TRIP11: variants seen among roughly 807,000 people sequenced by gnomAD.
The protein encoded by TRIP11 is thyroid receptor-interacting protein 11.
A neutral mutation model predicts 223.1 loss-of-function variants in TRIP11; 148 were observed. The ratio of observed to expected loss-of-function variants is 0.66; its 90% CI spans 0.58 to 0.76. The LOEUF (loss-of-function observed/expected upper bound fraction) is 0.76. Among genes scored for constraint, TRIP11 ranks in the 30% least tolerant of loss-of-function variants. The pLI is 0.00. For synonymous variants in TRIP11, 762 were observed against 772.6 expected (o/e 0.99, Z 0.23); for missense variants, 2,043 against 2,222.0 (o/e 0.92, Z 1.62).
Position 92,004,429 on chromosome 14 carries a change from A to G in TRIP11, c.3547T>C (p.Leu1183=), listed in dbSNP as rs770035158. 6.4e-5 allele frequency: 103 copies of G among 1,613,888 alleles called. No homozygotes were observed. The Middle Eastern group carries it at 3.6e-3, about 57-fold the overall frequency. Reference sequence around the variant, plus strand: ...CTGGATGTTTGTAAAACTGCCAATAAAGTCTGACATTTCTGACTTAGTGCA... The same window carrying G: ...CTGGATGTTTGTAAAACTGCCAATAGAGTCTGACATTTCTGACTTAGTGCA... ...IDALSQKCQT[L]LAVLQTSSTG... The change falls in exon 11 of 21, where the codon TTA becomes CTA. Residue 1183 remains leucine (L), a synonymous_variant. Coordinates refer to ENST00000267622, the MANE Select transcript of TRIP11 (RefSeq NM_004239.4).
intron 2 of TRIP11, 139 bp from the exon 3 acceptor site, chr14:92,025,559 T>C: frequency 1.5e-6 from 1 of 650,526 alleles, no homozygotes; most frequent in South Asian, 1.8e-5. Context: ...AATTCTGGAC[T>C]TTAAAATATG....
intron 2 of TRIP11, among the ~76,000 whole-genome samples, chr14:92,029,298 T>A (rs911536842): frequency 7.0e-4 from 92 of 131,536 alleles, no homozygotes; most frequent in Middle Eastern, 3.6e-3. Flanking sequence ...TTTTTTTTTT[T>A]TTTTTTTTTT....
chr14:91,974,785 G>GAAAA, intron 18 of TRIP11, 42 bp from the exon 19 acceptor site: 1 of 1,061,578 alleles, frequency 9.4e-7, no homozygotes, highest in South Asian at 1.6e-5. Flanking sequence ...ATCAGTACAA[G>GAAAA]AAAAAAAAAA....
In TRIP11 at chr14:92,025,431, A is replaced by C. The variant is rs561503305; in HGVS notation, c.202-11T>G. The C allele has an allele frequency of 4.0e-4, 638 of 1,602,292 alleles. No individual in the cohort carries two copies. The highest frequency in any genetic ancestry group is 6.6e-4 in the Middle Eastern group (4 of 6,038). Reference sequence around the variant, plus strand: ...CTTAAGCCTTTCATTCTAGAAAAAAAAAGTATTTTCAACAAAAAGACTGCA... The same window carrying C: ...CTTAAGCCTTTCATTCTAGAAAAAACAAGTATTTTCAACAAAAAGACTGCA... On this transcript the variant is annotated splice_polypyrimidine_tract_variant and intron_variant, in intron 2 of 20. Coordinates refer to ENST00000267622, the MANE Select transcript of TRIP11 (RefSeq NM_004239.4).
chr14:91,991,114 G>A (rs2056666352), intron 15 of TRIP11, among the ~76,000 whole-genome samples: 1 of 152,052 alleles, frequency 6.6e-6, no homozygotes, highest in Non-Finnish European at 1.5e-5. Context: ...TGGGAGGTAG[G>A]GCCTGATGGG....
chr14:92,016,096 A>C (rs1446457599), intron 5 of TRIP11, among the ~76,000 whole-genome samples: 1 of 152,236 alleles, frequency 6.6e-6, no homozygotes. Context: ...ATCAGCAAGA[A>C]AAGGCTAAAA....
Position 91,969,912 on chromosome 14 carries a change from A to G in TRIP11, c.5720-19T>C, listed in dbSNP as rs1045407052. The G allele has an allele frequency of 6.9e-6, 11 of 1,605,306 alleles. No individual in the cohort carries two copies. In the African/African-American group the frequency reaches 1.5e-4, roughly 21 times the overall value. On this transcript the variant is annotated intron_variant, in intron 20 of 20. Transcript: ENST00000267622. ...GCTGTATCTAAAGAATAAAATATGG[A>G]TTTAGTCTCCTATCTTTCACAAAGA... is the stretch of plus-strand genomic sequence containing the variant.
At chr14:91,999,219 G>C in intron 13 of TRIP11, 21 bp downstream of exon 13, 2 of 1,609,966 alleles carry the variant, frequency 1.2e-6, no homozygotes, top group African/African-American at 2.7e-5. Context: ...TAAAGTTAAT[G>C]CAAAAAAATG....
chr14:91,975,244 C>T lies in TRIP11; in HGVS notation c.5385G>A (p.Pro1795=), dbSNP rs146084921. 1.2e-5 allele frequency: 20 copies of T among 1,613,518 alleles called. No homozygotes were observed. The highest frequency in any genetic ancestry group is 8.8e-5 in the South Asian group (8 of 91,070). Residue 1795 remains proline, a synonymous_variant, in exon 18 of 21, where the codon CCG becomes CCA. Transcript: ENST00000267622. Reference sequence around the variant, plus strand: ...GTAACACTTCATGACGCTGATTTTTCGGTGTGTGGAAATGACCAATGAAGA... The same window carrying T: ...GTAACACTTCATGACGCTGATTTTTTGGTGTGTGGAAATGACCAATGAAGA... The part of the protein sequence containing the change: ...RNLFIGHFHT[P]KNQRHEVLRL...
chr14:91,974,066 C>T (rs1302452605), intron 19 of TRIP11, among the ~76,000 whole-genome samples: 2 of 152,078 alleles, frequency 1.3e-5, no homozygotes, highest in East Asian at 3.9e-4. Flanking sequence ...GAAAGAAACT[C>T]CACATTCTAA....
intron 2 of TRIP11, among the ~76,000 whole-genome samples, chr14:92,032,636 C>A (rs1327954613): frequency 1.3e-5 from 2 of 151,900 alleles, no homozygotes; most frequent in Non-Finnish European, 2.9e-5. Context: ...AGTTTGAGAC[C>A]AGCCTGGCCA....
At chr14:91,994,503 C>T (rs1048703265) in intron 14 of TRIP11, among the ~76,000 whole-genome samples, 1 of 152,172 alleles carries the variant, frequency 6.6e-6, no homozygotes, top group Non-Finnish European at 1.5e-5. Context: ...CTTGGCCTCC[C>T]AAAGTGCTGG....
At chr14:92,023,179 A>G (rs2057135948) in intron 3 of TRIP11, among the ~76,000 whole-genome samples, 1 of 152,188 alleles carries the variant, frequency 6.6e-6, no homozygotes, top group Admixed American at 6.5e-5. Context: ...TAAAATACCA[A>G]AATTTTCCCC....
At position 91,969,661 on chromosome 14, in the gene TRIP11, C is replaced by T; in HGVS notation, c.*12G>A. On this transcript the variant is annotated 3_prime_UTR_variant, in exon 21 of 21. Coordinates refer to ENST00000267622, the MANE Select transcript of TRIP11 (RefSeq NM_004239.4). ...CTTTAAAGTGCTAGATTGTCTCTGG[C>T]TTGAGAATCATCTATTGCTTTAAAA... 6.2e-7 allele frequency: 1 copy of T among 1,611,648 alleles called. No individual in the cohort carries two copies. The highest frequency in any genetic ancestry group is 8.5e-7 in the Non-Finnish European group (1 of 1,179,472).
At chr14:92,024,333 T>C (rs2057153447) in intron 3 of TRIP11, among the ~76,000 whole-genome samples, 1 of 149,172 alleles carries the variant, frequency 6.7e-6, no homozygotes, top group African/African-American at 2.5e-5. Flanking sequence ...ATTGCACCAC[T>C]GCACTTCAGC....
chr14:92,003,769 CTT>C lies in TRIP11; in HGVS notation c.4205_4206del (p.Gln1402ArgfsTer8). ...TCCTTAAGTAACTTTTGCAAAACATCTTGTTTCTCCTTTAGCTGCTTGATTTC... is the reference window on the plus strand; with the variant it reads ...TCCTTAAGTAACTTTTGCAAAACATCGTTTCTCCTTTAGCTGCTTGATTTC... ...DSEIKQLKEK[Q>X]DVLQKLLKEK... On this transcript the variant is annotated frameshift_variant, in exon 11 of 21. Transcript: ENST00000267622. LOFTEE classifies it high-confidence loss of function. The C allele has an allele frequency of 6.2e-7, 1 of 1,614,150 alleles. No individual in the cohort carries two copies. Among genetic ancestry groups the C allele is most frequent in the Non-Finnish European group, 8.5e-7 (1 of 1,180,020 alleles).
intron 11 of TRIP11, among the ~76,000 whole-genome samples, chr14:92,001,707 C>G (rs972989523): frequency 1.3e-5 from 2 of 152,100 alleles, no homozygotes; most frequent in Admixed American, 6.5e-5. Context: ...CGCTAAAACT[C>G]CAAAATATCT....
Position 91,969,578 on chromosome 14 carries a change from G to T in TRIP11, c.*95C>A. ...AAAGCATAATTGCGAACAAATACAT[G>T]ACTTTCTCCCCAAAGGCCACTTTGT... On this transcript the variant is annotated 3_prime_UTR_variant, in exon 21 of 21. Coordinates refer to ENST00000267622, the MANE Select transcript of TRIP11 (RefSeq NM_004239.4). 1 of 1,217,998 alleles carries T rather than the reference G, an allele frequency of 8.2e-7. No individual in the cohort carries two copies. The highest frequency in any genetic ancestry group is 1.2e-6 in the Non-Finnish European group (1 of 825,218). The allele number at this position is 1,217,998 out of a possible 1,614,324, so 75.4% of individuals were successfully genotyped here.
At chr14:92,026,012 C>T (rs1475189605) in intron 2 of TRIP11, among the ~76,000 whole-genome samples, 1 of 152,196 alleles carries the variant, frequency 6.6e-6, no homozygotes, top group African/African-American at 2.4e-5. Context: ...AATGTTTCCC[C>T]ATCTTTGTAT....
Sources: gnomAD v4.1 joint callset for allele counts (sites outside exome capture counted in the v4.1 genomes callset) on GRCh38, gnomAD v4.1.1 for gene constraint, MANE v1.5 for transcripts, NCBI Gene and HGNC (gene_info 2026-07-23, HGNC 2026-07-21) for gene names.